KLHL2: variants seen among roughly 807,000 people sequenced by gnomAD.
The protein encoded by KLHL2 is kelch like family member 2, also known as kelch-like protein 2.
A neutral mutation model predicts 75.8 loss-of-function variants in KLHL2; 15 were observed. That is an observed-to-expected ratio of 0.20 (90% confidence interval 0.13 to 0.30). The LOEUF is 0.30. Among genes scored for constraint, KLHL2 ranks in the 10% least tolerant of loss-of-function variants. KLHL2 has a pLI of 1.00. For synonymous variants in KLHL2, 214 were observed against 251.9 expected, an observed-to-expected ratio of 0.85 and a Z score of 1.42; for missense variants, 381 against 741.0, an observed-to-expected ratio of 0.51 and a Z score of 5.64.
In KLHL2 at chr4:165,307,341, A is replaced by T. The variant is rs375247312; in HGVS notation, c.1039+1616A>T. Among the ~76,000 whole-genome samples the T allele has an allele frequency of 2.3e-3, 345 of 152,286 alleles. 2 individuals are homozygous for T. The highest frequency in any genetic ancestry group is 8.1e-3 in the African/African-American group (336 of 41,564). On this transcript the variant is annotated intron_variant, in intron 9 of 14. Transcript: ENST00000226725. ...AACAAACAAACAAAAAAACAAAAAA[A>T]CTTTATGTTGAAATAATTTTACTTA...
chr4:165,282,610 G>T (rs1391104273), intron 5 of KLHL2, among the ~76,000 whole-genome samples: 1 of 152,068 alleles, frequency 6.6e-6, no homozygotes, highest in Non-Finnish European at 1.5e-5. Context: ...CCCAAATCAT[G>T]TTGTGCAAGC....
At chr4:165,235,064 A>G (rs1271390366) in intron 3 of KLHL2, among the ~76,000 whole-genome samples, 4 of 152,232 alleles carry the variant, frequency 2.6e-5, no homozygotes, top group Admixed American at 6.5e-5. Context: ...TGTAATGTAC[A>G]GTGATGTTCA....
intron 1 of KLHL2, among the ~76,000 whole-genome samples, chr4:165,216,612 C>T (rs1339556927): frequency 2.0e-5 from 3 of 152,136 alleles, no homozygotes; most frequent in Non-Finnish European, 4.4e-5. Flanking sequence ...CTTTACCTCT[C>T]ACTTAACTAG....
intron 13 of KLHL2, among the ~76,000 whole-genome samples, chr4:165,316,222 A>G (rs1746578383): frequency 6.6e-6 from 1 of 152,164 alleles, no homozygotes; most frequent in East Asian, 1.9e-4. Flanking sequence ...ATGCTCTTTA[A>G]TCTGTGAGCC....
intron 5 of KLHL2, among the ~76,000 whole-genome samples, chr4:165,282,810 T>A (rs533037686): frequency 2.3e-4 from 34 of 150,390 alleles, no homozygotes; most frequent in Non-Finnish European, 3.0e-5. Flanking sequence ...GAAGAACTTC[T>A]AATAGTAAGT....
chr4:165,297,130 AAC>A (rs944606614), intron 6 of KLHL2, among the ~76,000 whole-genome samples: 7 of 152,212 alleles, frequency 4.6e-5, no homozygotes, highest in Non-Finnish European at 1.0e-4. Flanking sequence ...TATGTAGACA[AAC>A]AGTGTCTTCA....
chr4:165,245,251 A>G (rs1038749639), intron 4 of KLHL2, among the ~76,000 whole-genome samples: 2 of 152,148 alleles, frequency 1.3e-5, no homozygotes, highest in Admixed American at 1.3e-4. Context: ...ATGCAGTCCA[A>G]ACTGAAATGT....
intron 5 of KLHL2, among the ~76,000 whole-genome samples, chr4:165,288,649 G>C (rs955681540): frequency 6.6e-6 from 1 of 152,046 alleles, no homozygotes; most frequent in East Asian, 1.9e-4. Context: ...GTCTACTGAT[G>C]AACTCTCTTT....
intron 4 of KLHL2, among the ~76,000 whole-genome samples, chr4:165,255,053 G>A (rs1395271275): frequency 4.6e-5 from 7 of 152,214 alleles, no homozygotes; most frequent in African/African-American, 1.7e-4. Context: ...GGTAGGTGGT[G>A]TCTTCATTAT....
intron 1 of KLHL2, among the ~76,000 whole-genome samples, chr4:165,218,586 G>A (rs1737725567): frequency 6.6e-6 from 1 of 152,024 alleles, no homozygotes; most frequent in Admixed American, 6.6e-5. Flanking sequence ...CAACATGCCA[G>A]TTGCTTCCCT....
intron 4 of KLHL2, among the ~76,000 whole-genome samples, chr4:165,256,473 C>T (rs1445704386): frequency 1.1e-4 from 17 of 152,090 alleles, no homozygotes; most frequent in Non-Finnish European, 5.9e-5. Flanking sequence ...TACTGTTCTA[C>T]AAAACACTGG....
intron 4 of KLHL2, among the ~76,000 whole-genome samples, chr4:165,253,553 G>A (rs940434221): frequency 2.6e-5 from 4 of 152,166 alleles, no homozygotes; most frequent in African/African-American, 9.7e-5. Context: ...TTTTCCCCTA[G>A]TGGGATATAA....
Position 165,322,964 on chromosome 4 carries a change from A to G in KLHL2, c.*904A>G, listed in dbSNP as rs902198895. The G allele has an allele frequency of 1.3e-5, 2 of 152,610 alleles. No individual in the cohort carries two copies. The highest frequency in any genetic ancestry group is 6.5e-5 in the Admixed American group (1 of 15,280). 9.5% of individuals were successfully genotyped at this position (152,610 alleles called of 1,614,324 possible). On this transcript the variant is annotated 3_prime_UTR_variant, in exon 15 of 15. Transcript: ENST00000226725. ...ATGTATGGAATTCAATTGAATTTGC[A>G]TGGTCTTCGGAATTTTTTCTGTGTG...
At chr4:165,275,152 G>T (rs888421352) in intron 5 of KLHL2, among the ~76,000 whole-genome samples, 29 of 148,882 alleles carry the variant, frequency 1.9e-4, no homozygotes, top group Non-Finnish European at 6.0e-5. Flanking sequence ...AGCTTAAAAA[G>T]CTGTATGAAA....
At chr4:165,242,509 T>C (rs1035733284) in intron 4 of KLHL2, among the ~76,000 whole-genome samples, 1 of 152,182 alleles carries the variant, frequency 6.6e-6, no homozygotes, top group African/African-American at 2.4e-5. Flanking sequence ...AATTTTTTTA[T>C]TTTATTGAGA....
chr4:165,244,514 A>G (rs1331312522), intron 4 of KLHL2, among the ~76,000 whole-genome samples: 1 of 152,202 alleles, frequency 6.6e-6, no homozygotes, highest in Non-Finnish European at 1.5e-5. Flanking sequence ...ATTGAAATGA[A>G]ATTCCCATTA....
At chr4:165,267,145 T>G (rs1742305668) in intron 5 of KLHL2, among the ~76,000 whole-genome samples, 1 of 152,214 alleles carries the variant, frequency 6.6e-6, no homozygotes, top group Non-Finnish European at 1.5e-5. Flanking sequence ...ATGCTTGTGA[T>G]TTTTGCACAT....
intron 2 of KLHL2, among the ~76,000 whole-genome samples, chr4:165,226,654 A>G (rs1738460094): frequency 6.6e-6 from 1 of 152,178 alleles, no homozygotes; most frequent in South Asian, 2.1e-4. Context: ...TAGTGCTTAA[A>G]ACCCACTAAA....
At chr4:165,268,913 G>A (rs186834082) in intron 5 of KLHL2, among the ~76,000 whole-genome samples, 24 of 152,228 alleles carry the variant, frequency 1.6e-4, no homozygotes, top group Non-Finnish European at 3.2e-4. Flanking sequence ...ATTGACAGTG[G>A]GGTGTTAAAG....
Sources: gnomAD v4.1 joint callset for allele counts (sites outside exome capture counted in the v4.1 genomes callset) on GRCh38, gnomAD v4.1.1 for gene constraint, MANE v1.5 for transcripts, NCBI Gene and HGNC (gene_info 2026-07-23, HGNC 2026-07-21) for gene names.